USH2A: variants seen among roughly 807,000 people sequenced by gnomAD.
USH2A encodes usherin, also known as Usher syndrome 2A (autosomal recessive, mild).
USH2A carries 443 observed loss-of-function variants against 538.9 expected under a neutral mutation model. The observed-to-expected ratio is 0.82, with a 90% CI of 0.76 to 0.89. USH2A has a LOEUF of 0.89. Ranked by LOEUF, USH2A falls within the 40% of genes least tolerant of loss-of-function variation. The pLI, the probability that USH2A is intolerant of heterozygous loss-of-function variation, is 0.00. For synonymous variants in USH2A, 2,413 were observed against 2,273.5 expected (o/e 1.06, Z -1.75); for missense variants, 6,633 against 6,324.8 (o/e 1.05, Z -1.65).
intron 10 of USH2A, among the ~76,000 whole-genome samples, chr1:216,290,039 A>C (rs994143635): frequency 6.6e-6 from 1 of 152,134 alleles, no homozygotes; most frequent in Non-Finnish European, 1.5e-5. Flanking sequence ...GGTAATTCCC[A>C]TAGTTTATAA....
intron 14 of USH2A, among the ~76,000 whole-genome samples, chr1:216,228,823 T>A (rs892782829): frequency 9.2e-5 from 14 of 152,138 alleles, no homozygotes; most frequent in Admixed American, 2.6e-4. Flanking sequence ...CCCATCAATA[T>A]AACAGGAGCC....
chr1:216,187,687 A>C (rs2034637121), intron 20 of USH2A, among the ~76,000 whole-genome samples: 1 of 151,932 alleles, frequency 6.6e-6, no homozygotes, highest in Non-Finnish European at 1.5e-5. Context: ...TACTGTGACT[A>C]ACAAAAGTCT....
chr1:216,187,336 TAGTA>T (rs1282050504), intron 20 of USH2A, among the ~76,000 whole-genome samples: 2 of 151,916 alleles, frequency 1.3e-5, no homozygotes, highest in African/African-American at 4.8e-5. Context: ...GTGCTTTAAA[TAGTA>T]AGCCCTCAAG....
At chr1:215,654,499 AC>A (rs1386697202) in intron 64 of USH2A, among the ~76,000 whole-genome samples, 1 of 152,208 alleles carries the variant, frequency 6.6e-6, no homozygotes, top group African/African-American at 2.4e-5. Flanking sequence ...GAACACTTTC[AC>A]ATGTGAATGA....
chr1:215,735,797 T>C (rs1011700757), intron 60 of USH2A, among the ~76,000 whole-genome samples: 6 of 152,180 alleles, frequency 3.9e-5, no homozygotes, highest in African/African-American at 1.2e-4. Context: ...ACCATGAACC[T>C]CTTTCATTGA....
intron 3 of USH2A, among the ~76,000 whole-genome samples, chr1:216,383,450 A>C (rs887168254): frequency 6.6e-6 from 1 of 152,234 alleles, no homozygotes; most frequent in African/African-American, 2.4e-5. Flanking sequence ...AATAAGTTAT[A>C]AAGTGCTATT....
At chr1:215,815,351 T>A in intron 48 of USH2A, among the ~76,000 whole-genome samples, 1 of 152,184 alleles carries the variant, frequency 6.6e-6, no homozygotes, top group African/African-American at 2.4e-5. Context: ...AAGCCTAACT[T>A]TTGCTTCCCT....
At chr1:215,862,652 T>C (rs749977348) in intron 44 of USH2A, among the ~76,000 whole-genome samples, 11 of 152,228 alleles carry the variant, frequency 7.2e-5, no homozygotes, top group Middle Eastern at 3.2e-3. Context: ...TTATATATTA[T>C]ATAAAATGGT....
At chr1:216,002,992 C>T (rs1298055438) in intron 32 of USH2A, among the ~76,000 whole-genome samples, 1 of 152,086 alleles carries the variant, frequency 6.6e-6, no homozygotes, top group East Asian at 1.9e-4. Flanking sequence ...CACCTAAGCC[C>T]TAAACCCACC....
intron 11 of USH2A, among the ~76,000 whole-genome samples, chr1:216,252,813 T>A (rs1346286039): frequency 2.0e-5 from 3 of 152,172 alleles, no homozygotes; most frequent in African/African-American, 4.8e-5. Context: ...GAGATTTGAT[T>A]CAGCCTACAA....
rs1665146084 is a variant in USH2A at position 215,889,202 on chromosome 1, AC to A, written c.7595-149del. 4.2e-6 allele frequency: 4 copies of A among 944,738 alleles called. No homozygotes were observed. In the Admixed American group the frequency reaches 9.7e-5, roughly 23 times the overall value. The allele number at this position is 944,738 out of a possible 1,614,324, so 58.5% of individuals were successfully genotyped here. ...AAGTAAATAAATAAGTGCCATAAAG[AC>A]AAGGACTGTGATTGCTTTGCTCATA... On this transcript the variant is annotated intron_variant, in intron 40 of 71. Coordinates refer to ENST00000307340, the MANE Select transcript of USH2A (RefSeq NM_206933.4).
chr1:216,409,660 A>G (rs143982338), intron 3 of USH2A, among the ~76,000 whole-genome samples: 8 of 152,242 alleles, frequency 5.3e-5, no homozygotes, highest in Middle Eastern at 6.8e-3. Context: ...AAATGTTGGG[A>G]TAACTGGCTA....
intron 35 of USH2A, among the ~76,000 whole-genome samples, chr1:215,973,228 G>A (rs1418747299): frequency 6.6e-6 from 1 of 152,086 alleles, no homozygotes; most frequent in Non-Finnish European, 1.5e-5. Context: ...AACAGAGAAT[G>A]TCTTTTATGT....
intron 4 of USH2A, among the ~76,000 whole-genome samples, chr1:216,360,201 T>G (rs2038465461): frequency 6.6e-6 from 1 of 152,026 alleles, no homozygotes; most frequent in Admixed American, 6.6e-5. Flanking sequence ...CTATGCTATA[T>G]CTAACCATGG....
At chr1:216,202,897 G>A (rs1038320371) in intron 16 of USH2A, among the ~76,000 whole-genome samples, 3 of 152,054 alleles carry the variant, frequency 2.0e-5, no homozygotes, top group Non-Finnish European at 4.4e-5. Context: ...GCCACCGTGT[G>A]CTTCCTTAAC....
intron 48 of USH2A, among the ~76,000 whole-genome samples, chr1:215,815,550 TAAA>T (rs1392945425): frequency 6.6e-6 from 1 of 152,038 alleles, no homozygotes; most frequent in Non-Finnish European, 1.5e-5. Context: ...AGTAAATTTT[TAAA>T]AGTTACAAAA....
intron 24 of USH2A, 32 bp downstream of exon 24, chr1:216,086,687 T>C (rs750821893): frequency 2.2e-5 from 32 of 1,482,070 alleles, no homozygotes; most frequent in Admixed American, 3.4e-5. Context: ...TAAGTTTGGA[T>C]GACAACATAT....
In USH2A at chr1:215,911,272, T is replaced by C. The variant is rs113412206; in HGVS notation, c.7301-10367A>G. ...AAGTTATTATTGACTATAATCACCT[T>C]ATTGTGCTATCAAATAGTAGGTCTT... On this transcript the variant is annotated intron_variant, in intron 38 of 71. Transcript: ENST00000307340. 2.0e-4 allele frequency among the ~76,000 whole-genome samples: 31 copies of C among 152,082 alleles called. 1 individual carries two copies. Among genetic ancestry groups the C allele is most frequent in the African/African-American group, 7.2e-4 (30 of 41,528 alleles).
chr1:216,280,728 A>G (rs1173640202), intron 11 of USH2A, among the ~76,000 whole-genome samples: 1 of 152,208 alleles, frequency 6.6e-6, no homozygotes, highest in Non-Finnish European at 1.5e-5. Context: ...ATGGAAGAAT[A>G]AGGCAAACAT....
Sources: gnomAD v4.1 joint callset for allele counts (sites outside exome capture counted in the v4.1 genomes callset) on GRCh38, gnomAD v4.1.1 for gene constraint, MANE v1.5 for transcripts, NCBI Gene and HGNC (gene_info 2026-07-23, HGNC 2026-07-21) for gene names.